The following ENTREP2 variants were observed in gnomAD, a reference collection of about 807,000 sequenced individuals.
The protein encoded by ENTREP2 is endosomal transmembrane epsin interactor 2, also known as protein ENTREP2.
At chr15:29,177,255 T>C in the ENTREP2 span, among the ~76,000 whole-genome samples, 1 of 152,128 alleles carries the variant, frequency 6.6e-6, no homozygotes, top group African/African-American at 2.4e-5. Flanking sequence ...TGAGTACACA[T>C]GTGATGGCTG....
the ENTREP2 span, among the ~76,000 whole-genome samples, chr15:29,255,290 T>G: frequency 6.6e-6 from 1 of 152,194 alleles, no homozygotes; most frequent in African/African-American, 2.4e-5. Context: ...CAATTATGTT[T>G]CTGATTTAAA....
At chr15:29,188,772 G>A in the ENTREP2 span, among the ~76,000 whole-genome samples, 1 of 152,306 alleles carries the variant, frequency 6.6e-6, no homozygotes, top group East Asian at 1.9e-4. Context: ...ATGATGACGA[G>A]CTTGGGGCTT....
At chr15:29,339,859 G>A in the ENTREP2 span, among the ~76,000 whole-genome samples, 1 of 152,248 alleles carries the variant, frequency 6.6e-6, no homozygotes, top group African/African-American at 2.4e-5. Context: ...CTGCCCAGTA[G>A]GCGGCTCAAC....
chr15:29,447,756 T>A, the ENTREP2 span, among the ~76,000 whole-genome samples: 2 of 152,064 alleles, frequency 1.3e-5, no homozygotes, highest in Admixed American at 6.5e-5. Context: ...TGAATATTTT[T>A]AAATTTACTT....
the ENTREP2 span, among the ~76,000 whole-genome samples, chr15:29,538,059 T>C: frequency 2.0e-5 from 3 of 152,210 alleles, no homozygotes; most frequent in African/African-American, 7.2e-5. Flanking sequence ...CAATACGTTT[T>C]ATTTATGTGG....
the ENTREP2 span, among the ~76,000 whole-genome samples, chr15:29,160,088 G>A: frequency 9.9e-5 from 15 of 152,218 alleles, no homozygotes; most frequent in African/African-American, 3.6e-4. Flanking sequence ...GCTAAGGCCC[G>A]GTGAGAAATT....
At chr15:29,281,834 C>G in the ENTREP2 span, among the ~76,000 whole-genome samples, 12 of 152,168 alleles carry the variant, frequency 7.9e-5, no homozygotes, top group Non-Finnish European at 1.8e-4. Context: ...CCGTGCCAAC[C>G]CACTCCACCT....
At chr15:29,178,151 G>A in the ENTREP2 span, among the ~76,000 whole-genome samples, 3 of 151,800 alleles carry the variant, frequency 2.0e-5, no homozygotes, top group Non-Finnish European at 2.9e-5. Context: ...AAAATTAGCT[G>A]CATATGGTGG....
the ENTREP2 span, among the ~76,000 whole-genome samples, chr15:29,225,636 T>G: frequency 3.3e-5 from 5 of 152,184 alleles, no homozygotes; most frequent in Non-Finnish European, 5.9e-5. Context: ...TTGCTCTCCC[T>G]GCCTGGCAGG....
chr15:29,175,215 C>T, the ENTREP2 span, among the ~76,000 whole-genome samples: 4 of 152,132 alleles, frequency 2.6e-5, no homozygotes, highest in Non-Finnish European at 5.9e-5. Context: ...TGGGGAGTTA[C>T]TAAATTTCAC....
chr15:29,608,459 A>C, the ENTREP2 span, among the ~76,000 whole-genome samples: 1 of 151,266 alleles, frequency 6.6e-6, no homozygotes, highest in African/African-American at 2.4e-5. Context: ...GCCCTTCCTG[A>C]TCAGTCTTGG....
At chr15:29,356,268 GTATATATATATATA>G in the ENTREP2 span, among the ~76,000 whole-genome samples, 34 of 57,616 alleles carry the variant, frequency 5.9e-4, 1 homozygote, top group African/African-American at 2.8e-3. Context: ...GTGTGTGTGT[GTATATATATATATA>G]TATATATATA....
the ENTREP2 span, among the ~76,000 whole-genome samples, chr15:29,582,013 C>A: frequency 1.3e-5 from 2 of 150,656 alleles, no homozygotes; most frequent in Non-Finnish European, 2.9e-5. Flanking sequence ...ATGGTCTCAG[C>A]TCACTGCAAC....
the ENTREP2 span, among the ~76,000 whole-genome samples, chr15:29,651,788 T>C: frequency 2.6e-5 from 4 of 152,160 alleles, no homozygotes; most frequent in Non-Finnish European, 5.9e-5. Context: ...CCCACGAGCA[T>C]GGGAGGGGAA....
chr15:29,594,788 C>A, the ENTREP2 span, among the ~76,000 whole-genome samples: 7 of 152,024 alleles, frequency 4.6e-5, no homozygotes, highest in African/African-American at 1.7e-4. Context: ...TGAGGTGAAG[C>A]CCCCTCTCTA....
the ENTREP2 span, among the ~76,000 whole-genome samples, chr15:29,340,490 A>C: frequency 6.6e-6 from 1 of 152,186 alleles, no homozygotes; most frequent in Non-Finnish European, 1.5e-5. Flanking sequence ...ACCACTCAGA[A>C]GAATGCTACA....
chr15:29,672,111 C>T, the ENTREP2 span, among the ~76,000 whole-genome samples: 3 of 152,126 alleles, frequency 2.0e-5, no homozygotes, highest in African/African-American at 7.2e-5. Context: ...CTCAGCCTCC[C>T]GAGTAGCTGG....
the ENTREP2 span, among the ~76,000 whole-genome samples, chr15:29,179,521 T>A: frequency 2.0e-5 from 3 of 151,872 alleles, no homozygotes; most frequent in African/African-American, 7.3e-5. Flanking sequence ...TGAGCTTAGT[T>A]TGAGTCATCG....
At chr15:29,147,564 G>A in the ENTREP2 span, among the ~76,000 whole-genome samples, 1 of 151,604 alleles carries the variant, frequency 6.6e-6, no homozygotes, top group East Asian at 1.9e-4. Context: ...AAGATCATAA[G>A]TGTTGGCGTG....
Sources: allele counts gnomAD v4.1 joint callset (sites outside exome capture counted in the v4.1 genomes callset), GRCh38; gene constraint gnomAD v4.1.1; transcripts MANE v1.5; gene names NCBI Gene and HGNC (gene_info 2026-07-23, HGNC 2026-07-21).